The following STPG2 variants were observed in gnomAD, a reference collection of about 807,000 sequenced individuals.
The protein encoded by STPG2 is sperm tail PG-rich repeat containing 2, also known as sperm-tail PG-rich repeat-containing protein 2.
A neutral mutation model predicts 54.2 loss-of-function variants in STPG2; 56 were observed. That is an observed-to-expected ratio of 1.03 (90% CI 0.83 to 1.29). The LOEUF is 1.29. Among genes scored for constraint, STPG2 ranks in the 50% most tolerant of loss-of-function variants. The probability of loss-of-function intolerance (pLI) is 0.00; values close to 1 mark genes in which losing one functional copy is unlikely to be tolerated. For synonymous variants in STPG2, 200 were observed against 181.8 expected, an observed-to-expected ratio of 1.10 and a Z score of -0.81; for missense variants, 596 against 544.9, an observed-to-expected ratio of 1.09 and a Z score of -0.93.
intron 8 of STPG2, among the ~76,000 whole-genome samples, chr4:97,885,687 A>G (rs1730536534): frequency 6.6e-6 from 1 of 152,204 alleles, no homozygotes; most frequent in Admixed American, 6.5e-5. Context: ...ATGGATGTGA[A>G]TTCCACAAAT....
intron 10 of STPG2, among the ~76,000 whole-genome samples, chr4:97,678,439 T>C (rs1209029682): frequency 2.0e-5 from 3 of 152,084 alleles, no homozygotes; most frequent in Admixed American, 6.6e-5. Context: ...TATATTCAAA[T>C]GTCTTCTTTT....
intron 5 of STPG2, among the ~76,000 whole-genome samples, chr4:98,050,621 T>A (rs1049994187): frequency 6.6e-6 from 1 of 152,182 alleles, no homozygotes; most frequent in South Asian, 2.1e-4. Context: ...CAAAAGCTCA[T>A]CTCTAAGGTT....
At chr4:97,943,615 T>G (rs1733077718) in intron 8 of STPG2, among the ~76,000 whole-genome samples, 1 of 152,312 alleles carries the variant, frequency 6.6e-6, no homozygotes, top group East Asian at 1.9e-4. Context: ...TTGCTCCATA[T>G]ACAACACAGC....
intron 5 of STPG2, among the ~76,000 whole-genome samples, chr4:98,078,806 A>T (rs1003894299): frequency 6.6e-6 from 1 of 152,158 alleles, no homozygotes; most frequent in Non-Finnish European, 1.5e-5. Context: ...CTTTCATATT[A>T]ACCAATTAGA....
chr4:98,034,542 C>T (rs1736707822), intron 5 of STPG2, among the ~76,000 whole-genome samples: 1 of 152,102 alleles, frequency 6.6e-6, no homozygotes, highest in Admixed American at 6.6e-5. Context: ...TTCATAGATT[C>T]AATGCTATCC....
At chr4:97,977,335 G>T (rs1734532215) in intron 6 of STPG2, among the ~76,000 whole-genome samples, 1 of 152,106 alleles carries the variant, frequency 6.6e-6, no homozygotes, top group African/African-American at 2.4e-5. Flanking sequence ...TTAAAAAAAT[G>T]TTATAATCCT....
At chr4:97,679,686 C>T (rs927263802) in intron 10 of STPG2, among the ~76,000 whole-genome samples, 4 of 152,154 alleles carry the variant, frequency 2.6e-5, no homozygotes, top group African/African-American at 9.7e-5. Flanking sequence ...GTGTTTTAGA[C>T]ATGAAGTCCT....
At chr4:97,844,029 G>A (rs1257664301) in intron 8 of STPG2, among the ~76,000 whole-genome samples, 1 of 151,750 alleles carries the variant, frequency 6.6e-6, no homozygotes, top group Non-Finnish European at 1.5e-5. Context: ...CAGGAGGTAT[G>A]AAACCTCCTG....
intron 10 of STPG2, among the ~76,000 whole-genome samples, chr4:97,630,405 GATGAA>G (rs1380989320): frequency 6.6e-6 from 1 of 151,676 alleles, no homozygotes; most frequent in Non-Finnish European, 1.5e-5. Flanking sequence ...ATGTAGCAAA[GATGAA>G]ATCAGATCAA....
intron 8 of STPG2, among the ~76,000 whole-genome samples, chr4:97,934,789 T>A (rs559500742): frequency 6.6e-6 from 1 of 152,318 alleles, no homozygotes; most frequent in East Asian, 1.9e-4. Context: ...TGCATCTATG[T>A]TCATCAGGGA....
intron 9 of STPG2, among the ~76,000 whole-genome samples, chr4:97,799,978 T>C (rs1190940397): frequency 6.6e-6 from 1 of 152,254 alleles, no homozygotes; most frequent in Non-Finnish European, 1.5e-5. Flanking sequence ...TCAAATCGGC[T>C]GCTGAAGCTT....
At chr4:97,942,586 AAAT>A (rs768807945) in intron 8 of STPG2, among the ~76,000 whole-genome samples, 14 of 152,256 alleles carry the variant, frequency 9.2e-5, no homozygotes, top group African/African-American at 1.7e-4. Flanking sequence ...TCAGAAAAAA[AAAT>A]AATAAGTCCA....
intron 10 of STPG2, among the ~76,000 whole-genome samples, chr4:97,707,669 A>G (rs925640038): frequency 1.3e-5 from 2 of 152,192 alleles, no homozygotes; most frequent in Non-Finnish European, 1.5e-5. Flanking sequence ...GTGGGCATCA[A>G]TAAGGGCCTT....
intron 8 of STPG2, among the ~76,000 whole-genome samples, chr4:97,905,346 C>T: frequency 6.6e-6 from 1 of 151,928 alleles, no homozygotes; most frequent in Non-Finnish European, 1.5e-5. Flanking sequence ...ATTTCATATC[C>T]AGCCAAACTA....
intron 4 of STPG2, among the ~76,000 whole-genome samples, chr4:97,482,946 T>C (rs1380264700): frequency 6.6e-6 from 1 of 151,702 alleles, no homozygotes; most frequent in African/African-American, 2.4e-5. Context: ...GAATTTTGTA[T>C]CCAGCAAAAC....
chr4:97,879,841 T>C (rs1227410589), intron 8 of STPG2, among the ~76,000 whole-genome samples: 1 of 152,184 alleles, frequency 6.6e-6, no homozygotes, highest in Non-Finnish European at 1.5e-5. Context: ...CCCTGTATAC[T>C]ATTGGTAGGA....
intron 9 of STPG2, among the ~76,000 whole-genome samples, chr4:97,759,192 T>A (rs1437385921): frequency 6.6e-6 from 1 of 152,158 alleles, no homozygotes; most frequent in Non-Finnish European, 1.5e-5. Flanking sequence ...GAATGGAGAC[T>A]GGTGTTAGAG....
At chr4:97,996,732 A>G (rs1293108786) in intron 5 of STPG2, among the ~76,000 whole-genome samples, 1 of 132,068 alleles carries the variant, frequency 7.6e-6, no homozygotes, top group African/African-American at 2.6e-5. Flanking sequence ...CAAATTAACA[A>G]GCAAAGAACA....
intron 5 of STPG2, among the ~76,000 whole-genome samples, chr4:98,089,116 T>C (rs892413401): frequency 1.3e-5 from 2 of 152,108 alleles, no homozygotes; most frequent in African/African-American, 4.8e-5. Context: ...GAATAAGTTC[T>C]TTAGTGGTGA....
Sources: gnomAD v4.1 joint callset for allele counts (sites outside exome capture counted in the v4.1 genomes callset) on GRCh38, gnomAD v4.1.1 for gene constraint, MANE v1.5 for transcripts, NCBI Gene and HGNC (gene_info 2026-07-23, HGNC 2026-07-21) for gene names.